The following PLXDC1 variants were observed in gnomAD, a reference collection of about 807,000 sequenced individuals.
The protein encoded by PLXDC1 is plexin domain-containing protein 1.
In PLXDC1, 39 loss-of-function variants were observed where a neutral mutation model predicts 61.3. The observed-to-expected ratio is 0.64, with a 90% CI of 0.49 to 0.83. The LOEUF (loss-of-function observed/expected upper bound fraction) is 0.83, where lower values mean the gene tolerates loss of function less well. Among genes scored for constraint, PLXDC1 ranks in the 40% least tolerant of loss-of-function variants. The pLI is 0.00. For synonymous variants in PLXDC1, 212 were observed against 254.5 expected, an observed-to-expected ratio of 0.83 and a Z score of 1.59; for missense variants, 596 against 666.5, an observed-to-expected ratio of 0.89 and a Z score of 1.17.
chr17:39,139,860 G>A, intron 1 of PLXDC1, 28 bp from the exon 2 acceptor site: 3 of 1,575,734 alleles, frequency 1.9e-6, no homozygotes, highest in Non-Finnish European at 2.6e-6. Flanking sequence ...AAACCTGAGT[G>A]CCAGCAGTCC....
chr17:39,086,859 C>CA (rs765774886), intron 8 of PLXDC1, among the ~76,000 whole-genome samples: 47,477 of 71,370 alleles, frequency 0.67, 16,322 homozygotes, highest in Non-Finnish European at 0.73. Flanking sequence ...GAGACTGTCT[C>CA]AAAAAAAAAA....
At chr17:39,145,978 G>T (rs934001192) in intron 1 of PLXDC1, among the ~76,000 whole-genome samples, 4 of 151,920 alleles carry the variant, frequency 2.6e-5, no homozygotes. Flanking sequence ...GACTGAAACC[G>T]TCTTCTCAGG....
At chr17:39,135,820 T>C (rs1280695923) in intron 2 of PLXDC1, among the ~76,000 whole-genome samples, 1 of 152,182 alleles carries the variant, frequency 6.6e-6, no homozygotes, top group African/African-American at 2.4e-5. Context: ...GCCCCAGTGT[T>C]TCTGAACCAG....
At chr17:39,086,422 C>CT (rs1429215618) in intron 8 of PLXDC1, among the ~76,000 whole-genome samples, 1 of 152,240 alleles carries the variant, frequency 6.6e-6, no homozygotes, top group Non-Finnish European at 1.5e-5. Context: ...ATCCTCCCTC[C>CT]TTCTCTTCCT....
At position 39,151,295 on chromosome 17, in the gene PLXDC1, T is replaced by C. The variant is rs911231051; in HGVS notation, c.76+67A>G. On this transcript the variant is annotated intron_variant, in intron 1 of 13. Transcript: ENST00000315392. This position sits in a 1 kb window ranked among gnomAD's most constrained non-coding sequence, Gnocchi z 5.2. ...TCGCCAGGCCGTCCACACCTGCCCA[T>C]GCCCACACCTGACTGCCCGTCCCTC... The C allele has an allele frequency of 4.3e-6, 5 of 1,170,100 alleles. No homozygotes were observed. Among genetic ancestry groups the C allele is most frequent in the Non-Finnish European group, 5.4e-6 (5 of 924,482 alleles). The allele number at this position is 1,170,100 out of a possible 1,614,324, so 72.5% of individuals were successfully genotyped here.
chr17:39,148,815 C>T (rs1484334292), intron 1 of PLXDC1, among the ~76,000 whole-genome samples: 1 of 152,150 alleles, frequency 6.6e-6, no homozygotes, highest in Non-Finnish European at 1.5e-5. Context: ...CCTCCCACCT[C>T]AGCCTCCCAA....
chr17:39,110,112 C>T (rs1057224740), intron 2 of PLXDC1, among the ~76,000 whole-genome samples: 2 of 147,880 alleles, frequency 1.4e-5, no homozygotes, highest in Admixed American at 6.7e-5. Context: ...GGCGACAGAG[C>T]GAGACTCTGT....
At chr17:39,082,100 C>T (rs1048297693) in intron 9 of PLXDC1, among the ~76,000 whole-genome samples, 1 of 152,224 alleles carries the variant, frequency 6.6e-6, no homozygotes, top group South Asian at 2.1e-4. Flanking sequence ...CCTGGGAGAC[C>T]TGATGGGCAC....
chr17:39,063,512 G>A lies in PLXDC1; in HGVS notation c.*4328C>T, dbSNP rs778955090. On this transcript the variant is annotated 3_prime_UTR_variant, in exon 14 of 14. Coordinates refer to ENST00000315392, the MANE Select transcript of PLXDC1 (RefSeq NM_020405.5). ...GCTGTTCCCACAGTCATGTCTCAGC[G>A]AAGAAGTCGGAGTTCAGCAGCCATC... 30 of 702,864 alleles carry A rather than the reference G, an allele frequency of 4.3e-5. No homozygotes were observed. Among genetic ancestry groups the A allele is most frequent in the Non-Finnish European group, 5.7e-5 (22 of 385,022 alleles). 43.5% of individuals were successfully genotyped at this position (702,864 alleles called of 1,614,324 possible). A position where few individuals can be genotyped will look rare whatever the true frequency, so the allele number is the denominator to read the frequency against.
intron 2 of PLXDC1, among the ~76,000 whole-genome samples, chr17:39,128,107 A>ATATATATATATATATATG (rs1291982693): frequency 9.9e-6 from 1 of 100,628 alleles, no homozygotes; most frequent in Admixed American, 9.6e-5. Flanking sequence ...GTATATATAT[A>ATATATATATATATATATG]TATATATGTA....
intron 8 of PLXDC1, among the ~76,000 whole-genome samples, chr17:39,085,362 G>A (rs1251757093): frequency 2.6e-5 from 4 of 152,250 alleles, no homozygotes. Flanking sequence ...CTGTGCAGGA[G>A]GATGAGCACT....
intron 2 of PLXDC1, among the ~76,000 whole-genome samples, chr17:39,122,454 G>A (rs1911195709): frequency 6.6e-6 from 1 of 151,638 alleles, no homozygotes. Context: ...GTGATGGTGG[G>A]AGCTGAAATA....
intron 1 of PLXDC1, among the ~76,000 whole-genome samples, chr17:39,146,508 C>A (rs1274557911): frequency 6.6e-6 from 1 of 152,024 alleles, no homozygotes; most frequent in Non-Finnish European, 1.5e-5. Context: ...AAGACCCCAT[C>A]TCTACTAAAA....
intron 2 of PLXDC1, among the ~76,000 whole-genome samples, chr17:39,125,961 G>A (rs991607284): frequency 1.5e-4 from 23 of 152,176 alleles, no homozygotes; most frequent in Non-Finnish European, 1.6e-4. Flanking sequence ...TCTCAAACAT[G>A]AGTGCACATG....
Position 39,139,703 on chromosome 17 carries a change from C to T in PLXDC1, c.206G>A (p.Gly69Glu), listed in dbSNP as rs1386645976. ...CAGCGTGTCCATGGCCAGGGTGCCC[C>T]CACCCAGGTCCTGGCTCAGCTGGGT... Reference protein sequence around the residue: ...DRTQLSQDLGGGTLAMDTLPD... With the variant: ...DRTQLSQDLGEGTLAMDTLPD... The change falls in exon 2 of 14, where the codon GGG becomes GAG. Residue 69 changes from glycine (G) to glutamate (E), a missense_variant. By Grantham distance (98) the Gly-to-Glu change is moderately conservative (BLOSUM62 -2). Transcript: ENST00000315392. 1 of 1,613,966 alleles carries T rather than the reference C, an allele frequency of 6.2e-7. No individual in the cohort carries two copies. The highest frequency in any genetic ancestry group is 1.1e-5 in the South Asian group (1 of 91,048).
chr17:39,074,931 C>CTTCTTT (rs1400736288), intron 11 of PLXDC1, among the ~76,000 whole-genome samples: 1 of 152,056 alleles, frequency 6.6e-6, no homozygotes, highest in Non-Finnish European at 1.5e-5. Flanking sequence ...TTTCTTTCTG[C>CTTCTTT]TTCTTTTTCT....
chr17:39,129,711 G>GAAGGAAGGAAAGAAAGAAAGAAAGA (rs1249381083), intron 2 of PLXDC1, among the ~76,000 whole-genome samples: 1 of 108,256 alleles, frequency 9.2e-6, no homozygotes, highest in African/African-American at 3.6e-5. Context: ...AAAGAAAGAA[G>GAAGGAAGGAAAGAAAGAAAGAAAGA]GAAAGAAAGA....
In PLXDC1 at chr17:39,107,977, G is replaced by A. The variant is rs1910657579; in HGVS notation, c.592+146C>T. 31 of 1,010,274 alleles carry A rather than the reference G, an allele frequency of 3.1e-5. 1 individual carries two copies. The South Asian group carries it at 4.3e-4, about 14-fold the overall frequency. The allele number at this position is 1,010,274 out of a possible 1,614,324, so 62.6% of individuals were successfully genotyped here. ...AGGCATTTTTGCCCCTATCTGACAGGTCAGGAAACTGAGCAGAGAAAGGTA... is the reference window on the plus strand; with the variant it reads ...AGGCATTTTTGCCCCTATCTGACAGATCAGGAAACTGAGCAGAGAAAGGTA... On this transcript the variant is annotated intron_variant, in intron 5 of 13. Transcript: ENST00000315392.
intron 2 of PLXDC1, among the ~76,000 whole-genome samples, chr17:39,120,967 T>C (rs547212529): frequency 1.3e-5 from 2 of 152,192 alleles, no homozygotes; most frequent in Admixed American, 6.5e-5. Flanking sequence ...GGGTTGGGAT[T>C]ACAGGCATGA....
Sources: gnomAD v4.1 joint callset for allele counts (sites outside exome capture counted in the v4.1 genomes callset) on GRCh38, gnomAD v4.1.1 for gene constraint, Gnocchi (gnomAD v3.1) non-coding constraint, MANE v1.5 for transcripts, NCBI Gene and HGNC (gene_info 2026-07-23, HGNC 2026-07-21) for gene names.